Variants in MCMDC2 observed in about 807,000 individuals in gnomAD.
MCMDC2 encodes minichromosome maintenance domain-containing protein 2.
Under a neutral mutation model 75.8 loss-of-function variants are expected in MCMDC2, and 54 were observed. The observed-to-expected ratio is 0.71, with a 90% CI of 0.57 to 0.89. The LOEUF (loss-of-function observed/expected upper bound fraction) is 0.89, where lower values mean the gene tolerates loss of function less well. Among genes scored for constraint, MCMDC2 ranks in the 40% least tolerant of loss-of-function variants. The pLI is 0.00. For synonymous variants in MCMDC2, 249 were observed against 274.6 expected (o/e 0.91, Z 0.92); for missense variants, 656 against 780.4 (o/e 0.84, Z 1.90).
At chr8:66,908,813 G>C (rs1186627255) in intron 14 of MCMDC2, among the ~76,000 whole-genome samples, 2 of 152,190 alleles carry the variant, frequency 1.3e-5, no homozygotes, top group Non-Finnish European at 2.9e-5. Context: ...GTGTTGCCAT[G>C]TTAGCCAGGC....
At chr8:66,877,644 C>T in intron 5 of MCMDC2, 100 bp downstream of exon 5, 1 of 813,176 alleles carries the variant, frequency 1.2e-6, no homozygotes, top group South Asian at 2.0e-5. Context: ...GAGGGAGGAT[C>T]ACCTGAGCTC....
chr8:66,913,091 A>G (rs988223157), intron 14 of MCMDC2, among the ~76,000 whole-genome samples: 2 of 152,238 alleles, frequency 1.3e-5, no homozygotes, highest in Admixed American at 6.5e-5. Context: ...AACAAACAGT[A>G]TGCTGATGTT....
chr8:66,872,428 C>T (rs1309778290), intron 1 of MCMDC2, among the ~76,000 whole-genome samples: 1 of 152,088 alleles, frequency 6.6e-6, no homozygotes, highest in East Asian at 1.9e-4. Flanking sequence ...ATGTTATGAC[C>T]CATATACAAG....
intron 14 of MCMDC2, 128 bp from the exon 15 acceptor site, chr8:66,918,875 C>T: frequency 1.3e-6 from 1 of 781,900 alleles, no homozygotes; most frequent in Non-Finnish European, 1.9e-6. Flanking sequence ...TTTTATTTTT[C>T]ACAGAACCAC....
intron 9 of MCMDC2, among the ~76,000 whole-genome samples, chr8:66,885,150 C>T (rs186807125): frequency 6.6e-4 from 100 of 151,690 alleles, no homozygotes; most frequent in East Asian, 2.1e-3. Context: ...TGGCTAACAC[C>T]GTGAAACCCC....
chr8:66,873,467 A>G lies in MCMDC2; in HGVS notation c.-88-586A>G, dbSNP rs183628784. On this transcript the variant is annotated intron_variant, in intron 1 of 14. Coordinates refer to ENST00000422365, the MANE Select transcript of MCMDC2 (RefSeq NM_173518.5). ...TTCATTTTTTAAACAACACCTGGAA[A>G]GGACCCTCATCATCAGATATTGTTT... is the stretch of plus-strand genomic sequence containing the variant. Among the ~76,000 whole-genome samples the G allele has an allele frequency of 3.9e-5, 6 of 152,342 alleles. No homozygotes were observed. The East Asian group carries it at 1.2e-3, about 29-fold the overall frequency.
At chr8:66,882,135 T>A (rs901574527) in intron 8 of MCMDC2, among the ~76,000 whole-genome samples, 3 of 152,106 alleles carry the variant, frequency 2.0e-5, no homozygotes, top group African/African-American at 7.2e-5. Flanking sequence ...AGGAATTAGA[T>A]AGGGAAAGAG....
intron 14 of MCMDC2, among the ~76,000 whole-genome samples, chr8:66,912,365 G>A (rs1266556030): frequency 1.3e-5 from 2 of 152,228 alleles, no homozygotes; most frequent in Non-Finnish European, 2.9e-5. Context: ...GGTTTCTTGA[G>A]ATGGAATCTA....
intron 14 of MCMDC2, among the ~76,000 whole-genome samples, chr8:66,907,393 A>G (rs536048141): frequency 1.3e-5 from 2 of 152,310 alleles, no homozygotes; most frequent in Admixed American, 1.3e-4. Context: ...ATGTCCCTGC[A>G]AAGGACATGC....
chr8:66,916,922 A>C (rs985986479), intron 14 of MCMDC2, among the ~76,000 whole-genome samples: 2 of 152,198 alleles, frequency 1.3e-5, no homozygotes, highest in Non-Finnish European at 2.9e-5. Context: ...CCACATGAAA[A>C]TCACTGAATG....
intron 4 of MCMDC2, among the ~76,000 whole-genome samples, chr8:66,875,322 CA>C (rs1811226524): frequency 6.6e-6 from 1 of 152,028 alleles, no homozygotes; most frequent in African/African-American, 2.4e-5. Flanking sequence ...TCTTGTTGCC[CA>C]GGCTGGAGTG....
chr8:66,891,069 A>G lies in MCMDC2; in HGVS notation c.1278A>G (p.Thr426=). The change falls in exon 10 of 15, where the codon ACA becomes ACG. Residue 426 remains threonine, a splice_region_variant and synonymous_variant. Coordinates refer to ENST00000422365, the MANE Select transcript of MCMDC2 (RefSeq NM_173518.5). ...HKKDKLEQLQ[T]VLESRSITVY... ...AAGATAAACTTGAACAGCTTCAAAC[A>G]GGTAAACAATATTTTTTAAATTAAT... is the stretch of plus-strand genomic sequence containing the variant. 2 of 1,589,976 alleles carry G rather than the reference A, an allele frequency of 1.3e-6. No homozygotes were observed. The highest frequency in any genetic ancestry group is 2.3e-5 in the South Asian group (2 of 85,546).
intron 14 of MCMDC2, 44 bp from the exon 15 acceptor site, chr8:66,918,959 T>A: frequency 1.5e-6 from 2 of 1,359,578 alleles, no homozygotes; most frequent in East Asian, 5.6e-5. Context: ...CTTGTCATTT[T>A]AAGGAGTATT....
At chr8:66,914,768 A>G (rs1813240278) in intron 14 of MCMDC2, among the ~76,000 whole-genome samples, 1 of 152,230 alleles carries the variant, frequency 6.6e-6, no homozygotes, top group Admixed American at 6.5e-5. Flanking sequence ...CAGTTAGATG[A>G]TAATGAGAGA....
intron 10 of MCMDC2, among the ~76,000 whole-genome samples, chr8:66,892,999 T>A (rs556844248): frequency 7.9e-5 from 12 of 152,364 alleles, no homozygotes; most frequent in African/African-American, 2.4e-4. Flanking sequence ...TAAATCTATG[T>A]TCATGAGAGA....
chr8:66,883,843 A>G lies in MCMDC2; in HGVS notation c.922A>G (p.Ile308Val), dbSNP rs1811706210. The part of the protein sequence containing the change: ...CWKFTAILAN[I>V]FASQITPPGT... ...GAAGTTTACAGCAATACTTGCCAAT[A>G]TCTTTGCATCACAAATTACCCCTCC... Residue 308 changes from isoleucine to valine, a missense_variant, in exon 9 of 15, where the codon ATC becomes GTC. By Grantham distance (29) the Ile-to-Val change is conservative. Coordinates refer to ENST00000422365, the MANE Select transcript of MCMDC2 (RefSeq NM_173518.5). 1.2e-6 allele frequency: 2 copies of G among 1,613,798 alleles called. No homozygotes were observed. The highest frequency in any genetic ancestry group is 1.7e-5 in the Admixed American group (1 of 59,994).
intron 12 of MCMDC2, among the ~76,000 whole-genome samples, chr8:66,899,593 T>C (rs1381204870): frequency 6.6e-6 from 1 of 151,990 alleles, no homozygotes; most frequent in Admixed American, 6.6e-5. Context: ...CCTGCTGGGT[T>C]CAAGTGATTC....
chr8:66,889,082 A>G (rs548248719), intron 9 of MCMDC2, among the ~76,000 whole-genome samples: 1 of 152,180 alleles, frequency 6.6e-6, no homozygotes, highest in Admixed American at 6.5e-5. Flanking sequence ...TGCGCTAGAT[A>G]TATTTTATAC....
intron 12 of MCMDC2, among the ~76,000 whole-genome samples, chr8:66,898,617 TC>T (rs1373198073): frequency 9.6e-6 from 1 of 104,616 alleles, no homozygotes; most frequent in Non-Finnish European, 1.9e-5. Context: ...AGAGCAAAAC[TC>T]CGTCTCAAAA....
Sources: gnomAD v4.1 joint callset for allele counts (sites outside exome capture counted in the v4.1 genomes callset) on GRCh38, gnomAD v4.1.1 for gene constraint, MANE v1.5 for transcripts, NCBI Gene and HGNC (gene_info 2026-07-23, HGNC 2026-07-21) for gene names.